SOX5: variants seen among roughly 807,000 people sequenced by gnomAD.
The protein encoded by SOX5 is transcription factor SOX-5.
In SOX5, 9 loss-of-function variants were observed where a neutral mutation model predicts 92.0. The ratio of observed to expected loss-of-function variants is 0.10; its 90% confidence interval spans 0.06 to 0.17. The LOEUF is 0.17. Ranked by LOEUF, SOX5 falls within the 10% of genes least tolerant of loss-of-function variation. The probability of loss-of-function intolerance (pLI) is 1.00; values close to 1 mark genes in which losing one functional copy is unlikely to be tolerated. For synonymous variants in SOX5, 344 were observed against 336.3 expected (o/e 1.02, Z -0.25); for missense variants, 642 against 944.5 (o/e 0.68, Z 4.20).
intron 4 of SOX5, among the ~76,000 whole-genome samples, chr12:24,003,953 A>G (rs905302107): frequency 6.6e-6 from 1 of 152,116 alleles, no homozygotes; most frequent in Non-Finnish European, 1.5e-5. Flanking sequence ...TGAGATATGT[A>G]AGTCGCTAGA....
intron 1 of SOX5, among the ~76,000 whole-genome samples, chr12:24,532,446 A>G (rs906896525): frequency 6.6e-6 from 1 of 152,238 alleles, no homozygotes; most frequent in African/African-American, 2.4e-5. Flanking sequence ...CAGACTTTGC[A>G]TCAAGTTTAT....
intron 11 of SOX5, among the ~76,000 whole-genome samples, chr12:23,554,489 T>TAAGA (rs768217746): frequency 1.3e-5 from 2 of 152,156 alleles, no homozygotes; most frequent in African/African-American, 2.4e-5. Context: ...CTTTGAGCTG[T>TAAGA]AAGACTTCAA....
At chr12:24,516,172 A>G (rs1279147381) in intron 1 of SOX5, among the ~76,000 whole-genome samples, 1 of 151,672 alleles carries the variant, frequency 6.6e-6, no homozygotes, top group Non-Finnish European at 1.5e-5. Flanking sequence ...CCTCCCGGGT[A>G]CTTAGGACTA....
intron 4 of SOX5, among the ~76,000 whole-genome samples, chr12:24,134,864 C>T (rs1175570995): frequency 6.6e-6 from 1 of 152,132 alleles, no homozygotes; most frequent in Non-Finnish European, 1.5e-5. Flanking sequence ...TGATTAGTTT[C>T]CACTATCTAG....
chr12:24,000,339 A>G (rs931322004), intron 4 of SOX5, among the ~76,000 whole-genome samples: 1 of 151,920 alleles, frequency 6.6e-6, no homozygotes, highest in Non-Finnish European at 1.5e-5. Flanking sequence ...CAGGTATAAG[A>G]TTGTACACAA....
At chr12:24,346,886 G>C (rs1021136033) in intron 2 of SOX5, among the ~76,000 whole-genome samples, 1 of 152,096 alleles carries the variant, frequency 6.6e-6, no homozygotes, top group Non-Finnish European at 1.5e-5. Context: ...CGTGGGGTGG[G>C]GGGATGGGGG....
intron 1 of SOX5, among the ~76,000 whole-genome samples, chr12:23,927,741 G>T (rs1012797019): frequency 2.6e-5 from 4 of 151,830 alleles, no homozygotes; most frequent in African/African-American, 9.7e-5. Flanking sequence ...ACTTCGGCTT[G>T]ATTGCACTTT....
chr12:24,431,443 C>T (rs183580572), intron 1 of SOX5, among the ~76,000 whole-genome samples: 9 of 152,288 alleles, frequency 5.9e-5, no homozygotes, highest in African/African-American at 1.9e-4. Context: ...AGACACATCA[C>T]GATGAGTTCA....
At chr12:24,443,537 A>G (rs141979996) in intron 1 of SOX5, among the ~76,000 whole-genome samples, 7 of 152,364 alleles carry the variant, frequency 4.6e-5, no homozygotes, top group African/African-American at 1.4e-4. Flanking sequence ...GGTTCCTACA[A>G]AGAAAAAAAA....
intron 6 of SOX5, among the ~76,000 whole-genome samples, chr12:23,712,989 C>G (rs896519278): frequency 7.2e-5 from 11 of 152,176 alleles, no homozygotes; most frequent in African/African-American, 2.4e-4. Flanking sequence ...AGTCCCAACT[C>G]TTGGTACTTG....
At chr12:23,756,345 G>C (rs1189355122) in intron 3 of SOX5, among the ~76,000 whole-genome samples, 2 of 151,816 alleles carry the variant, frequency 1.3e-5, no homozygotes, top group Non-Finnish European at 2.9e-5. Flanking sequence ...GCTTATTTCA[G>C]ATTTGTATCA....
chr12:24,000,866 C>T (rs1951532742), intron 4 of SOX5, among the ~76,000 whole-genome samples: 1 of 152,006 alleles, frequency 6.6e-6, no homozygotes, highest in South Asian at 2.1e-4. Flanking sequence ...ATATATCGTG[C>T]ATACAGAAAT....
intron 3 of SOX5, among the ~76,000 whole-genome samples, chr12:23,816,356 C>A (rs1226766069): frequency 6.6e-6 from 1 of 151,770 alleles, no homozygotes; most frequent in Admixed American, 6.6e-5. Flanking sequence ...ACTACAGGTG[C>A]GCACCACGAT....
At chr12:24,432,795 A>G (rs1346253234) in intron 1 of SOX5, among the ~76,000 whole-genome samples, 1 of 152,184 alleles carries the variant, frequency 6.6e-6, no homozygotes, top group Non-Finnish European at 1.5e-5. Flanking sequence ...CTGGTGACAG[A>G]GCGAGACTGT....
intron 4 of SOX5, among the ~76,000 whole-genome samples, chr12:23,746,129 T>A (rs925531479): frequency 1.3e-5 from 2 of 152,136 alleles, no homozygotes; most frequent in Non-Finnish European, 2.9e-5. Context: ...AAGAAGTCCA[T>A]CCCACGGCTT....
At chr12:24,230,484 T>C (rs965094191) in intron 3 of SOX5, 4 of 152,136 alleles carry the variant, frequency 2.6e-5, no homozygotes, top group African/African-American at 9.7e-5. Context: ...TGCCAGGGAA[T>C]TGCAGAGAGC....
chr12:23,743,523 G>T (rs1450951932), intron 4 of SOX5, among the ~76,000 whole-genome samples: 2 of 151,958 alleles, frequency 1.3e-5, no homozygotes, highest in East Asian at 1.9e-4. Flanking sequence ...TGCTGGCCAG[G>T]CCGGTCTCGA....
At chr12:24,355,338 C>T (rs546582754) in intron 2 of SOX5, among the ~76,000 whole-genome samples, 30 of 108,338 alleles carry the variant, frequency 2.8e-4, no homozygotes, top group Non-Finnish European at 4.7e-4. Context: ...GATGGAGTCT[C>T]GCTCTGTCAC....
intron 4 of SOX5, among the ~76,000 whole-genome samples, chr12:24,081,108 C>T (rs759746972): frequency 6.6e-6 from 1 of 151,912 alleles, no homozygotes; most frequent in African/African-American, 2.4e-5. Context: ...CGTTTTCTCT[C>T]TTTATCCTAA....
Sources: allele counts gnomAD v4.1 joint callset (sites outside exome capture counted in the v4.1 genomes callset), GRCh38; gene constraint gnomAD v4.1.1; transcripts MANE v1.5; gene names NCBI Gene and HGNC (gene_info 2026-07-23, HGNC 2026-07-21).